THSD7B: variants seen among roughly 807,000 people sequenced by gnomAD.
THSD7B encodes the protein thrombospondin type-1 domain-containing protein 7B.
THSD7B carries 138 observed loss-of-function variants against 213.6 expected under a neutral mutation model. That is an observed-to-expected ratio of 0.65 (90% CI 0.56 to 0.74). The LOEUF is 0.74. THSD7B is among the 30% of genes least tolerant of loss of function. The pLI is 0.00. For missense variants in THSD7B, 1,931 were observed against 1,991.5 expected, an observed-to-expected ratio of 0.97 and a Z score of 0.58; for synonymous variants, 742 against 687.0, an observed-to-expected ratio of 1.08 and a Z score of -1.25.
Position 137,638,355 on chromosome 2 carries a change from C to T in THSD7B, c.3800-4133C>T, listed in dbSNP as rs141548691. Among the ~76,000 whole-genome samples the T allele has an allele frequency of 3.8e-3, 576 of 152,124 alleles. 5 individuals carry two copies. Among genetic ancestry groups the T allele is most frequent in the East Asian group, 0.025 (129 of 5,164 alleles). On this transcript the variant is annotated intron_variant, in intron 20 of 27. Transcript: ENST00000409968. ...ATATGATGGGTTTATCAGGGGTTTC[C>T]GCTTTTGCTTATTCCTCATTTTTCT... is the stretch of plus-strand genomic sequence containing the variant.
At position 137,548,218 on chromosome 2, in the gene THSD7B, T is replaced by A. The variant is rs564582191; in HGVS notation, c.3139-15003T>A. Among the ~76,000 whole-genome samples the A allele has an allele frequency of 3.5e-4, 53 of 152,150 alleles. 2 individuals carry two copies. In the South Asian group the frequency reaches 0.011, roughly 32 times the overall value. ...TGCCTTGTCTTTTTCCTCACAACGA[T>A]GTTGGTGAAAAACAGGAAACTTGAA... On this transcript the variant is annotated intron_variant, in intron 15 of 27. Coordinates refer to ENST00000409968, the MANE Select transcript of THSD7B (RefSeq NM_001316349.2).
chr2:137,019,749 T>G (rs576273395), intron 2 of THSD7B, among the ~76,000 whole-genome samples: 380 of 152,294 alleles, frequency 2.5e-3, no homozygotes, highest in Non-Finnish European at 3.4e-3. Context: ...TATAGTCTCC[T>G]TAGAGACTAG....
intron 12 of THSD7B, among the ~76,000 whole-genome samples, chr2:137,390,581 T>C (rs1342208028): frequency 6.6e-6 from 1 of 152,198 alleles, no homozygotes; most frequent in East Asian, 1.9e-4. Context: ...CGAATAAAAG[T>C]AGTAAAAGTG....
intron 14 of THSD7B, among the ~76,000 whole-genome samples, chr2:137,435,259 G>T (rs1687268911): frequency 6.6e-6 from 1 of 152,140 alleles, no homozygotes; most frequent in Non-Finnish European, 1.5e-5. Context: ...TTTGGGGAAA[G>T]ATACAAACTT....
At chr2:137,205,523 G>C (rs550161618) in intron 7 of THSD7B, among the ~76,000 whole-genome samples, 1 of 151,914 alleles carries the variant, frequency 6.6e-6, no homozygotes, top group South Asian at 2.1e-4. Context: ...TTCCTTTTTT[G>C]TTTTTGGTAT....
chr2:137,057,339 T>C, intron 3 of THSD7B, 109 bp downstream of exon 3: 8 of 1,166,480 alleles, frequency 6.9e-6, no homozygotes, highest in Non-Finnish European at 9.4e-6. Flanking sequence ...ACGAGGTTTA[T>C]AATTTAGGTT....
chr2:137,361,488 A>C (rs1251857861), intron 12 of THSD7B, among the ~76,000 whole-genome samples: 1 of 152,196 alleles, frequency 6.6e-6, no homozygotes, highest in Non-Finnish European at 1.5e-5. Context: ...ACCTTGAAAA[A>C]AGATTAGACG....
rs764312920 is a variant in THSD7B, at chr2:137,050,222, C to T, written c.140-6198C>T. Among the ~76,000 whole-genome samples the T allele has an allele frequency of 5.5e-4, 83 of 152,188 alleles. 1 individual carries two copies. The highest frequency in any genetic ancestry group is 1.1e-3 in the Non-Finnish European group (72 of 68,018). On this transcript the variant is annotated intron_variant, in intron 2 of 27. Transcript: ENST00000409968. Reference sequence around the variant, plus strand: ...TGAGGTTTGAGAGTCTTTTTTTAGGCTTTAGAATTTTTAGAAAGTAGCATT... The same window carrying T: ...TGAGGTTTGAGAGTCTTTTTTTAGGTTTTAGAATTTTTAGAAAGTAGCATT...
intron 20 of THSD7B, among the ~76,000 whole-genome samples, chr2:137,639,071 A>G (rs552231965): frequency 6.6e-6 from 1 of 151,582 alleles, no homozygotes; most frequent in Non-Finnish European, 1.5e-5. Flanking sequence ...AGTAGCAAGG[A>G]CTCTAATGCT....
rs778573574 is a variant in THSD7B at position 137,657,053 on chromosome 2, A to G, written c.4280-12A>G. The G allele has an allele frequency of 1.9e-6, 3 of 1,613,888 alleles. No homozygotes were observed. Among genetic ancestry groups the G allele is most frequent in the East Asian group, 2.2e-5 (1 of 44,880 alleles). On this transcript the variant is annotated splice_polypyrimidine_tract_variant and intron_variant, in intron 23 of 27. Coordinates refer to ENST00000409968, the MANE Select transcript of THSD7B (RefSeq NM_001316349.2). ...GGTGTAATAGAACTGCTATTATCAT[A>G]TTTACTTACAGGAGGCAAATGTTAT...
At chr2:136,799,971 T>C (rs1682146336) in intron 1 of THSD7B, among the ~76,000 whole-genome samples, 1 of 151,950 alleles carries the variant, frequency 6.6e-6, no homozygotes, top group Non-Finnish European at 1.5e-5. Context: ...ACTACAGTAA[T>C]TGAAAGAAGA....
intron 14 of THSD7B, among the ~76,000 whole-genome samples, chr2:137,428,353 G>A (rs987763661): frequency 3.3e-5 from 5 of 152,142 alleles, no homozygotes; most frequent in Non-Finnish European, 5.9e-5. Flanking sequence ...TTGCTCGTGA[G>A]AATACAAAAT....
chr2:136,845,958 G>A (rs537755061), intron 1 of THSD7B, among the ~76,000 whole-genome samples: 1 of 152,276 alleles, frequency 6.6e-6, no homozygotes, highest in East Asian at 1.9e-4. Flanking sequence ...GACTGGCCAT[G>A]GTGTGGATGG....
intron 1 of THSD7B, among the ~76,000 whole-genome samples, chr2:136,773,832 G>A (rs1204719812): frequency 6.6e-6 from 1 of 151,214 alleles, no homozygotes; most frequent in Admixed American, 6.6e-5. Flanking sequence ...CTTTGTGTAT[G>A]TAAGACCATT....
At chr2:136,851,716 A>G (rs949595727) in intron 1 of THSD7B, among the ~76,000 whole-genome samples, 3 of 152,236 alleles carry the variant, frequency 2.0e-5, no homozygotes, top group Admixed American at 6.5e-5. Context: ...GCAAATAGAA[A>G]TACTTGAAGT....
chr2:137,027,725 C>T (rs528464351), intron 2 of THSD7B, among the ~76,000 whole-genome samples: 1 of 152,214 alleles, frequency 6.6e-6, no homozygotes, highest in East Asian at 1.9e-4. Context: ...TGTTTGTTCA[C>T]TGGTATATTC....
chr2:137,217,936 T>G (rs1237821167), intron 7 of THSD7B, among the ~76,000 whole-genome samples: 1 of 152,102 alleles, frequency 6.6e-6, no homozygotes, highest in Non-Finnish European at 1.5e-5. Flanking sequence ...CAGGAAAAAA[T>G]GCATGTGTAC....
chr2:137,620,975 A>G (rs1682509094), intron 20 of THSD7B, among the ~76,000 whole-genome samples: 1 of 152,360 alleles, frequency 6.6e-6, no homozygotes, highest in African/African-American at 2.4e-5. Context: ...ATGTTTATTC[A>G]GAAGATCATA....
At chr2:137,619,506 G>A (rs1272841903) in intron 19 of THSD7B, among the ~76,000 whole-genome samples, 1 of 152,138 alleles carries the variant, frequency 6.6e-6, no homozygotes, top group East Asian at 1.9e-4. Flanking sequence ...CTGATACAGG[G>A]CAGAATGCTG....
Sources: allele counts gnomAD v4.1 joint callset (sites outside exome capture counted in the v4.1 genomes callset), GRCh38; gene constraint gnomAD v4.1.1; transcripts MANE v1.5; gene names NCBI Gene and HGNC (gene_info 2026-07-23, HGNC 2026-07-21).